The following PRH1 variants were observed in gnomAD, a reference collection of about 807,000 sequenced individuals.
PRH1 encodes salivary acidic proline-rich phosphoprotein 1/2.
Under a neutral mutation model 7.9 loss-of-function variants are expected in PRH1, and 7 were observed. That is an observed-to-expected ratio of 0.89 (90% confidence interval 0.50 to 1.67). PRH1 has a LOEUF of 1.67. PRH1 is among the 40% of genes most tolerant of loss of function. PRH1 has a pLI of 0.00. For missense variants in PRH1, 109 were observed against 223.6 expected, an observed-to-expected ratio of 0.49 and a Z score of 3.27; for synonymous variants, 45 against 80.8, an observed-to-expected ratio of 0.56 and a Z score of 2.38.
chr12:11,130,330 G>A (rs901138333), intron 1 of PRH1, among the ~76,000 whole-genome samples: 9 of 152,162 alleles, frequency 5.9e-5, no homozygotes, highest in African/African-American at 2.2e-4. Flanking sequence ...AGTGTCCCTA[G>A]TCCACATGCT....
chr12:10,972,221 T>A (rs1938848825), intron 2 of PRH1, among the ~76,000 whole-genome samples: 1 of 152,140 alleles, frequency 6.6e-6, no homozygotes, highest in South Asian at 2.1e-4. Flanking sequence ...GGTAGTAAAC[T>A]TCCCATGAAC....
chr12:10,921,615 C>CTATT lies in PRH1; in HGVS notation c.-58-37344_-58-37341dup, dbSNP rs1161651503. Among the ~76,000 whole-genome samples, 14 of 152,138 alleles carry CTATT rather than the reference C, an allele frequency of 9.2e-5. No homozygotes were observed. In the South Asian group the frequency reaches 2.1e-3, roughly 23 times the overall value. ...CCATTGTCTATTATATTTTGATTTTCTATTTATTTATTCATTCATTTATTT... is the reference window on the plus strand; with the variant it reads ...CCATTGTCTATTATATTTTGATTTTCTATTTATTTATTTATTCATTCATTTATTT... On this transcript the variant is annotated intron_variant, in intron 2 of 3. Transcript: ENST00000539853.
chr12:11,114,838 G>A (rs1000433654), intron 1 of PRH1, among the ~76,000 whole-genome samples: 1 of 152,036 alleles, frequency 6.6e-6, no homozygotes, highest in Non-Finnish European at 1.5e-5. Flanking sequence ...TTGAAATAAT[G>A]GGTTAGAGGG....
At chr12:11,011,389 C>T (rs1941063863) in intron 1 of PRH1, among the ~76,000 whole-genome samples, 1 of 152,068 alleles carries the variant, frequency 6.6e-6, no homozygotes, top group Non-Finnish European at 1.5e-5. Flanking sequence ...CCCAAAACAG[C>T]TCAATTAAAT....
intron 2 of PRH1, among the ~76,000 whole-genome samples, chr12:10,967,266 A>AT (rs1228764379): frequency 6.6e-6 from 1 of 152,072 alleles, no homozygotes; most frequent in Non-Finnish European, 1.5e-5. Context: ...TAAATGGTGA[A>AT]TTTTTTCCTA....
At chr12:11,012,441 A>G (rs1591809491) in intron 1 of PRH1, among the ~76,000 whole-genome samples, 1 of 152,268 alleles carries the variant, frequency 6.6e-6, no homozygotes, top group Non-Finnish European at 1.5e-5. Context: ...ATGAGGTGCT[A>G]GTATAGTATA....
intron 1 of PRH1, among the ~76,000 whole-genome samples, chr12:11,170,610 C>A (rs981720721): frequency 2.0e-5 from 3 of 152,174 alleles, no homozygotes; most frequent in African/African-American, 4.8e-5. Flanking sequence ...TGGAGCCTAG[C>A]CACAGGTTTC....
chr12:11,133,512 T>C (rs1183271054), intron 1 of PRH1: 1 of 1,604,868 alleles, frequency 6.2e-7, no homozygotes, highest in Non-Finnish European at 8.5e-7. Context: ...GATATGATCA[T>C]GGACAGAAAG....
At chr12:10,926,469 G>C (rs557684959) in intron 2 of PRH1, among the ~76,000 whole-genome samples, 1 of 152,290 alleles carries the variant, frequency 6.6e-6, no homozygotes, top group South Asian at 2.1e-4. Context: ...GCTGAGTCAT[G>C]AAATTTGGAC....
At chr12:11,048,887 T>A, upstream of PRH1, 1 of 277,638 alleles carries the variant, frequency 3.6e-6, no homozygotes, top group South Asian at 6.9e-5. Context: ...TTCTTAATCC[T>A]TTTCTTTAGG....
chr12:10,986,717 G>C, intron 1 of PRH1: 7 of 1,613,238 alleles, frequency 4.3e-6, no homozygotes, highest in Non-Finnish European at 5.9e-6. Flanking sequence ...CCAGAGCAGT[G>C]AGAATTTGGT....
chr12:11,165,284 C>A (rs904299688), intron 1 of PRH1, among the ~76,000 whole-genome samples: 1 of 151,546 alleles, frequency 6.6e-6, no homozygotes, highest in Admixed American at 6.6e-5. Flanking sequence ...GCCAGTCTTC[C>A]CAATTTTTTC....
rs1423769193 is a variant in PRH1 at position 10,943,505 on chromosome 12, CT to C, written c.-59+30149del. 4.6e-5 allele frequency among the ~76,000 whole-genome samples: 7 copies of C among 152,216 alleles called. No homozygotes were observed. In the South Asian group the frequency reaches 1.0e-3, roughly 23 times the overall value. The stretch of plus-strand genomic sequence containing the variant: ...CAGATGCATTGTTTGCAAATATTTT[CT>C]TTCATTCTGTAGGTTGTCGATTTAC... On this transcript the variant is annotated intron_variant, in intron 2 of 3. Coordinates refer to the PRH1 transcript ENST00000539853.
chr12:11,009,028 CAAG>C (rs68064139), intron 1 of PRH1, among the ~76,000 whole-genome samples: 46,076 of 151,624 alleles, frequency 0.3, 8,832 homozygotes, highest in East Asian at 0.74. Context: ...TTTAGTCCAA[CAAG>C]AAGATACTAT....
chr12:10,897,020 T>G (rs1949656675), intron 2 of PRH1: 1 of 152,068 alleles, frequency 6.6e-6, no homozygotes, highest in Non-Finnish European at 1.5e-5. Context: ...TACTCTGAGG[T>G]CACAATGTCC....
At chr12:11,015,245 C>T (rs1388687945) in intron 1 of PRH1, among the ~76,000 whole-genome samples, 3 of 152,270 alleles carry the variant, frequency 2.0e-5, no homozygotes, top group African/African-American at 7.2e-5. Flanking sequence ...GGAAAAGGAA[C>T]ACAAGACCCT....
rs185397484 is a variant in PRH1 at position 11,090,784 on chromosome 12, G to A, written n.124-43596C>T. On this transcript the variant is annotated intron_variant and non_coding_transcript_variant, in intron 1 of 4. Transcript: ENST00000541977. Reference sequence around the variant, plus strand: ...ACACCGAGGATACATCCTCATTATTGATTTAGAATTGAATGACCTTACCAT... The same window carrying A: ...ACACCGAGGATACATCCTCATTATTAATTTAGAATTGAATGACCTTACCAT... Among the ~76,000 whole-genome samples, 10 of 115,826 alleles carry A rather than the reference G, an allele frequency of 8.6e-5. 2 individuals are homozygous for A. Among genetic ancestry groups the A allele is most frequent in the African/African-American group, 2.0e-4 (7 of 34,620 alleles). 76.0% of individuals were successfully genotyped at this position (115,826 alleles called of 152,430 possible). A position where few individuals can be genotyped will look rare whatever the true frequency, so the allele number is the denominator to read the frequency against.
At chr12:11,161,740 C>A (rs1434198888) in intron 1 of PRH1, among the ~76,000 whole-genome samples, 1 of 152,052 alleles carries the variant, frequency 6.6e-6, no homozygotes, top group African/African-American at 2.4e-5. Context: ...TTAAGAGGCC[C>A]ATTAAGACTT....
intron 1 of PRH1, among the ~76,000 whole-genome samples, chr12:11,164,952 G>A (rs1365349878): frequency 6.6e-6 from 1 of 152,020 alleles, no homozygotes; most frequent in Non-Finnish European, 1.5e-5. Flanking sequence ...TCAGGCCTTT[G>A]GCTATCACTG....
Sources: allele counts gnomAD v4.1 joint callset (sites outside exome capture counted in the v4.1 genomes callset), GRCh38; gene constraint gnomAD v4.1.1; transcripts MANE v1.5; gene names NCBI Gene and HGNC (gene_info 2026-07-23, HGNC 2026-07-21).